CATSPER2: variants seen among roughly 807,000 people sequenced by gnomAD.
The protein encoded by CATSPER2 is cation channel sperm-associated protein 2.
In CATSPER2, 56 loss-of-function variants were observed where a neutral mutation model predicts 68.8. The ratio of observed to expected loss-of-function variants is 0.81; its 90% CI spans 0.66 to 1.02. The LOEUF (loss-of-function observed/expected upper bound fraction) is 1.02. Ranked by LOEUF, CATSPER2 falls within the 50% of genes least tolerant of loss-of-function variation. The probability of loss-of-function intolerance (pLI) is 0.00; values close to 1 mark genes in which losing one functional copy is unlikely to be tolerated. For missense variants in CATSPER2, 582 were observed against 642.0 expected (o/e 0.91, Z 1.01); for synonymous variants, 198 against 229.9 (o/e 0.86, Z 1.26).
chr15:43,644,458 G>A (rs1366942765), intron 4 of CATSPER2, among the ~76,000 whole-genome samples: 2 of 151,870 alleles, frequency 1.3e-5, no homozygotes, highest in Non-Finnish European at 2.9e-5. Flanking sequence ...AATAGTTAGT[G>A]CTATTCTATT....
Position 43,648,078 on chromosome 15 carries a change from T to A in CATSPER2, c.-2-15A>T. 1 of 1,613,226 alleles carries A rather than the reference T, an allele frequency of 6.2e-7. No homozygotes were observed. Among genetic ancestry groups the A allele is most frequent in the Non-Finnish European group, 8.5e-7 (1 of 1,179,376 alleles). On this transcript the variant is annotated splice_polypyrimidine_tract_variant and intron_variant, in intron 1 of 12. Coordinates refer to ENST00000396879, the MANE Select transcript of CATSPER2 (RefSeq NM_172095.4). ...AGCGGCCATGTCTGCTAAGAAAATGTAAGCATCAAGTGTCATTTCATTCTT... is the reference window on the plus strand; with the variant it reads ...AGCGGCCATGTCTGCTAAGAAAATGAAAGCATCAAGTGTCATTTCATTCTT...
Position 43,647,465 on chromosome 15 carries a change from G to C in CATSPER2, c.148C>G (p.Pro50Ala). The C allele has an allele frequency of 1.2e-6, 2 of 1,612,982 alleles. No individual in the cohort carries two copies. The highest frequency in any genetic ancestry group is 1.7e-6 in the Non-Finnish European group (2 of 1,179,198). ...AATACAAGTTTCTTCTGGCGGGAAG[G>C]ATCTACAACAAAAATTAAAAAGGGA... is the stretch of plus-strand genomic sequence containing the variant. ...PRHTIRELLD[P>A]SRQKKLVLGD... Residue 50 changes from proline (P) to alanine (A), a missense_variant and splice_region_variant, in exon 3 of 13, where the codon CCT (proline) becomes GCT (alanine). Pro to Ala is a conservative substitution (Grantham distance 27). Around this residue, in one of 5 missense-constraint regions of CATSPER2, gnomAD observed 197 missense variants for 191.0 expected, o/e 1.03. Coordinates refer to ENST00000396879, the MANE Select transcript of CATSPER2 (RefSeq NM_172095.4).
rs1383633756 is a variant in CATSPER2 at position 43,636,127 on chromosome 15, A to G, written c.935T>C (p.Val312Ala). Residue 312 changes from valine to alanine, a missense_variant, in exon 8 of 13, where the codon GTC becomes GCC. By Grantham distance (64) the Val-to-Ala change is moderately conservative (BLOSUM62 0). Around this residue, in one of 5 missense-constraint regions of CATSPER2, gnomAD observed 235 missense variants for 264.2 expected, o/e 0.89. Coordinates refer to ENST00000396879, the MANE Select transcript of CATSPER2 (RefSeq NM_172095.4). ...LLQDVWKVPE[V>A]SRIFSSIYFI... ...ATAGATGCTGCTGAAGATGCGACTGACTTCAGGCACCTTCCAGACGTCCTG... is the reference window on the plus strand; with the variant it reads ...ATAGATGCTGCTGAAGATGCGACTGGCTTCAGGCACCTTCCAGACGTCCTG... 6.2e-7 allele frequency: 1 copy of G among 1,605,226 alleles called. No homozygotes were observed. The highest frequency in any genetic ancestry group is 8.5e-7 in the Non-Finnish European group (1 of 1,173,632).
At chr15:43,630,956 G>A (rs1156650292) in intron 12 of CATSPER2, among the ~76,000 whole-genome samples, 1 of 151,968 alleles carries the variant, frequency 6.6e-6, no homozygotes, top group Non-Finnish European at 1.5e-5. Flanking sequence ...GTCCTCCCTA[G>A]AGAATAAGTG....
At chr15:43,639,262 TTA>T (rs1182863855) in intron 6 of CATSPER2, among the ~76,000 whole-genome samples, 1 of 151,430 alleles carries the variant, frequency 6.6e-6, no homozygotes, top group Non-Finnish European at 1.5e-5. Flanking sequence ...TTTTTTTTTT[TTA>T]GACGGAGTTT....
In CATSPER2 at chr15:43,640,472, T is replaced by C; in HGVS notation, c.413A>G (p.Lys138Arg). The C allele has an allele frequency of 6.2e-7, 1 of 1,613,372 alleles. No individual in the cohort carries two copies. Among genetic ancestry groups the C allele is most frequent in the African/African-American group, 1.3e-5 (1 of 74,896 alleles). The change falls in exon 5 of 13, where the codon AAA (lysine) becomes AGA (arginine). Residue 138 changes from lysine (K) to arginine (R), a missense_variant. Lys to Arg is a conservative substitution (Grantham distance 26). This residue lies in a region of CATSPER2 where 197 missense variants were observed against 191.0 expected (regional missense o/e 1.03). Coordinates refer to ENST00000396879, the MANE Select transcript of CATSPER2 (RefSeq NM_172095.4). ...CAAGGTCAGCTTCAATGGCCATAGT[T>C]TGGTATTTGTGGATTCCAGCAATTC... ...EIELLESTNTKLWPLKLTLEV... is the reference protein window; with the variant it reads ...EIELLESTNTRLWPLKLTLEV...
intron 2 of CATSPER2, 93 bp downstream of exon 2, chr15:43,647,824 G>T: frequency 7.2e-7 from 1 of 1,380,988 alleles, no homozygotes; most frequent in South Asian, 1.2e-5. Flanking sequence ...TGGTAAACCA[G>T]CAACTAAACC....
rs1184598557 is a variant in CATSPER2 at position 43,648,551 on chromosome 15, C to T, written c.-3+78G>A. The T allele has an allele frequency of 2.0e-5, 26 of 1,275,866 alleles. 1 individual carries two copies. The highest frequency in any genetic ancestry group is 1.0e-5 in the Non-Finnish European group (10 of 980,754). 79.0% of individuals were successfully genotyped at this position (1,275,866 alleles called of 1,614,324 possible). On this transcript the variant is annotated intron_variant, in intron 1 of 12. Transcript: ENST00000396879. Reference sequence around the variant, plus strand: ...AAGCCTGACATTTTGAAAATGGGTCCCGTCCCAAGTGTGTCCACTCCAACA... The same window carrying T: ...AAGCCTGACATTTTGAAAATGGGTCTCGTCCCAAGTGTGTCCACTCCAACA...
intron 4 of CATSPER2, among the ~76,000 whole-genome samples, chr15:43,644,197 G>C (rs1488215688): frequency 6.6e-6 from 1 of 151,856 alleles, no homozygotes; most frequent in Non-Finnish European, 1.5e-5. Context: ...AGATCACTTT[G>C]TGATTGGAAA....
intron 4 of CATSPER2, among the ~76,000 whole-genome samples, chr15:43,641,785 G>T (rs546235081): frequency 6.6e-6 from 1 of 151,970 alleles, no homozygotes; most frequent in African/African-American, 2.4e-5. Context: ...CACGGTTCAC[G>T]GAAGCCTGGC....
intron 10 of CATSPER2, 85 bp from the exon 11 acceptor site, chr15:43,633,019 C>G: frequency 1.7e-6 from 2 of 1,147,874 alleles, no homozygotes; most frequent in Non-Finnish European, 2.5e-6. Context: ...CTGGCCACCC[C>G]CTAAAGCTGG....
intron 6 of CATSPER2, chr15:43,639,330 C>T (rs1443958751): frequency 6.7e-5 from 31 of 461,590 alleles, no homozygotes; most frequent in African/African-American, 3.0e-4. Context: ...CTGCAACTTC[C>T]GCCTCCCGGG....
chr15:43,647,235 A>G, intron 3 of CATSPER2, 59 bp downstream of exon 3: 8 of 1,581,930 alleles, frequency 5.1e-6, no homozygotes, highest in East Asian at 2.2e-5. Context: ...GGAGCAAAAA[A>G]TAAGTCATTA....
intron 4 of CATSPER2, among the ~76,000 whole-genome samples, chr15:43,643,756 A>G (rs1361243745): frequency 1.3e-5 from 2 of 152,052 alleles, no homozygotes; most frequent in Non-Finnish European, 2.9e-5. Flanking sequence ...TAGCACATCA[A>G]ACCCTCTCTA....
chr15:43,632,492 G>A (rs1032955249), intron 11 of CATSPER2, 129 bp from the exon 12 acceptor site: 3 of 1,402,176 alleles, frequency 2.1e-6, no homozygotes, highest in African/African-American at 2.9e-5. Flanking sequence ...GGGAAAGGGT[G>A]CATCAGTAAG....
At chr15:43,635,018 A>G (rs942389238) in intron 10 of CATSPER2, 6 of 339,202 alleles carry the variant, frequency 1.8e-5, no homozygotes, top group African/African-American at 1.1e-4. Flanking sequence ...CCCAACCTCT[A>G]TCTCCGTCTT....
Position 43,630,461 on chromosome 15 carries a change from T to C in CATSPER2, c.*240A>G. On this transcript the variant is annotated 3_prime_UTR_variant, in exon 13 of 13. Transcript: ENST00000396879. ...CCTCTGACTCCCAGGTTCAAGTGAT[T>C]CTCCTGCCTCAGGCTCCCAAGTAGC... 7 of 746,174 alleles carry C rather than the reference T, an allele frequency of 9.4e-6. No homozygotes were observed. Among genetic ancestry groups the C allele is most frequent in the Non-Finnish European group, 1.4e-5 (7 of 485,922 alleles). 46.2% of individuals were successfully genotyped at this position (746,174 alleles called of 1,614,324 possible).
chr15:43,647,945 C>G lies in CATSPER2; in HGVS notation c.117G>C (p.Val39=). 6.2e-7 allele frequency: 1 copy of G among 1,613,690 alleles called. No homozygotes were observed. Residue 39 remains valine, a synonymous_variant, in exon 2 of 13, where the codon GTG becomes GTC. Transcript: ENST00000396879. ...GTAACTCCCTGATAGTGTGCCGCGGCACAGCTTGGCTCAAGCCTTGCAAAT... is the reference window on the plus strand; with the variant it reads ...GTAACTCCCTGATAGTGTGCCGCGGGACAGCTTGGCTCAAGCCTTGCAAAT... The part of the protein sequence containing the change: ...IEHLQGLSQA[V]PRHTIRELLD...
chr15:43,645,543 T>G (rs998582711), intron 4 of CATSPER2, among the ~76,000 whole-genome samples: 8 of 151,698 alleles, frequency 5.3e-5, no homozygotes, highest in Non-Finnish European at 1.2e-4. Flanking sequence ...TCCCAGCACT[T>G]TGGGAGGCTA....
Sources: allele counts gnomAD v4.1 joint callset (sites outside exome capture counted in the v4.1 genomes callset), GRCh38; gene constraint gnomAD v4.1.1; regional missense constraint gnomAD v4.1.1; transcripts MANE v1.5; gene names NCBI Gene and HGNC (gene_info 2026-07-23, HGNC 2026-07-21).